Variants in FKTN observed in about 807,000 individuals in gnomAD.
FKTN encodes fukutin, also known as ribitol-5-phosphate transferase FKTN.
FKTN carries 47 observed loss-of-function variants against 58.6 expected under a neutral mutation model. The ratio of observed to expected loss-of-function variants is 0.80; its 90% CI spans 0.63 to 1.02. The LOEUF (loss-of-function observed/expected upper bound fraction) is 1.02, where lower values mean the gene tolerates loss of function less well. FKTN is among the 50% of genes least tolerant of loss of function. The probability of loss-of-function intolerance (pLI) is 0.00; values close to 1 mark genes in which losing one functional copy is unlikely to be tolerated. For synonymous variants in FKTN, 178 were observed against 191.9 expected, an observed-to-expected ratio of 0.93 and a Z score of 0.60; for missense variants, 516 against 537.3, an observed-to-expected ratio of 0.96 and a Z score of 0.39.
intron 1 of FKTN, among the ~76,000 whole-genome samples, chr9:105,563,654 G>A (rs1302877616): frequency 6.6e-6 from 1 of 152,168 alleles, no homozygotes; most frequent in Non-Finnish European, 1.5e-5. Context: ...GAGGGGCCGG[G>A]AAGCTCGAAC....
At chr9:105,573,498 C>T (rs147266721) in intron 1 of FKTN, among the ~76,000 whole-genome samples, 157 bp from the exon 2 acceptor site, 5 of 151,860 alleles carry the variant, frequency 3.3e-5, no homozygotes, top group African/African-American at 1.2e-4. Context: ...CATGGTGGCA[C>T]ATACTTTTAC....
intron 3 of FKTN, among the ~76,000 whole-genome samples, chr9:105,588,736 C>T (rs976509684): frequency 1.3e-5 from 2 of 152,090 alleles, no homozygotes; most frequent in Admixed American, 6.5e-5. Context: ...CATAGTATAC[C>T]TATGGAATAA....
chr9:105,604,394 C>T lies in FKTN; in HGVS notation c.549C>T (p.Tyr183=), dbSNP rs1424933301. 1.9e-6 allele frequency: 3 copies of T among 1,613,902 alleles called. No individual in the cohort carries two copies. The highest frequency in any genetic ancestry group is 2.2e-5 in the East Asian group (1 of 44,880). ...TCTTTCATGAGAGGAGTGGCAACTA[C>T]CTCTGGCACGGCCACTTGAGACTTA... The part of the protein sequence containing the change: ...LVVFHERSGN[Y]LWHGHLRLKE... The change falls in exon 6 of 11, where the codon TAC becomes TAT. Residue 183 remains tyrosine, a synonymous_variant. Transcript: ENST00000357998.
intron 1 of FKTN, among the ~76,000 whole-genome samples, chr9:105,569,180 C>A (rs901854232): frequency 3.9e-5 from 6 of 151,958 alleles, no homozygotes; most frequent in African/African-American, 1.2e-4. Flanking sequence ...GGTAGATATA[C>A]CTAATGTAAA....
chr9:105,563,997 T>C (rs973363031), intron 1 of FKTN, among the ~76,000 whole-genome samples: 1 of 152,200 alleles, frequency 6.6e-6, no homozygotes, highest in Non-Finnish European at 1.5e-5. Flanking sequence ...TGTTCAGCAA[T>C]ATTCGCTGTT....
rs545512504 is a variant in FKTN, at chr9:105,560,640, T to C, written c.-181+2475T>C. Among the ~76,000 whole-genome samples, 321 of 152,364 alleles carry C rather than the reference T, an allele frequency of 2.1e-3. 1 individual carries two copies. Among genetic ancestry groups the C allele is most frequent in the African/African-American group, 7.3e-3 (305 of 41,592 alleles). On this transcript the variant is annotated intron_variant, in intron 1 of 10. Coordinates refer to ENST00000357998, the MANE Select transcript of FKTN (RefSeq NM_001079802.2). The stretch of plus-strand genomic sequence containing the variant: ...GGAACATTCATCCAGATTTTACATA[T>C]GTACATACATTCACAATTTAAGTGT...
rs139674774 is a variant in FKTN at position 105,583,984 on chromosome 9, G to A, written c.105+8847G>A. ...TATTAAATTCTAATAAAGAACTGCT[G>A]TCTCAACCCTTTTCCCTTGGTGGCA... On this transcript the variant is annotated intron_variant, in intron 3 of 10. Coordinates refer to ENST00000357998, the MANE Select transcript of FKTN (RefSeq NM_001079802.2). Among the ~76,000 whole-genome samples, 771 of 152,250 alleles carry A rather than the reference G, an allele frequency of 5.1e-3. 10 individuals are homozygous for A. Among genetic ancestry groups the A allele is most frequent in the African/African-American group, 0.017 (727 of 41,554 alleles).
rs1471294783 is a variant in FKTN, at chr9:105,640,286, C to G, written c.*5022C>G. 4 of 942,962 alleles carry G rather than the reference C, an allele frequency of 4.2e-6. No individual in the cohort carries two copies. Among genetic ancestry groups the G allele is most frequent in the Non-Finnish European group, 6.0e-6 (4 of 664,730 alleles). 58.4% of individuals were successfully genotyped at this position (942,962 alleles called of 1,614,324 possible). A position where few individuals can be genotyped will look rare whatever the true frequency, so the allele number is the denominator to read the frequency against. On this transcript the variant is annotated 3_prime_UTR_variant, in exon 11 of 11. Transcript: ENST00000357998. The stretch of plus-strand genomic sequence containing the variant: ...CCTGCTTCTTTTGGGTGCAGTGGCT[C>G]ACACCTGTAATACCAGCAGTTTGAG...
chr9:105,638,923 A>C lies in FKTN; in HGVS notation c.*3659A>C. On this transcript the variant is annotated 3_prime_UTR_variant, in exon 11 of 11. Transcript: ENST00000357998. ...ATTACATAGGTAAGCAGGAATTTAT[A>C]CATTGGGTACCAGAGCTAAATCTGG... The C allele has an allele frequency of 1.0e-6, 1 of 985,338 alleles. No individual in the cohort carries two copies. Among genetic ancestry groups the C allele is most frequent in the Non-Finnish European group, 1.2e-6 (1 of 829,860 alleles). The allele number at this position is 985,338 out of a possible 1,614,324, so 61.0% of individuals were successfully genotyped here.
intron 3 of FKTN, among the ~76,000 whole-genome samples, chr9:105,584,212 A>G (rs1843512807): frequency 6.6e-6 from 1 of 152,202 alleles, no homozygotes; most frequent in African/African-American, 2.4e-5. Flanking sequence ...ATTTGGAACA[A>G]TGCATGTTAT....
intron 1 of FKTN, among the ~76,000 whole-genome samples, chr9:105,563,966 C>A (rs1027362620): frequency 1.3e-5 from 2 of 152,200 alleles, no homozygotes; most frequent in Non-Finnish European, 2.9e-5. Context: ...TCCAGAGGAA[C>A]GATCAGGCAG....
chr9:105,591,462 A>G (rs1470978184), intron 3 of FKTN, among the ~76,000 whole-genome samples: 2 of 152,212 alleles, frequency 1.3e-5, no homozygotes, highest in African/African-American at 4.8e-5. Context: ...CCCCAAACCC[A>G]GCAGGTTACT....
rs766526235 is a variant in FKTN, at chr9:105,597,211, A to G, written c.165+554A>G. 2.6e-5 allele frequency among the ~76,000 whole-genome samples: 4 copies of G among 152,176 alleles called. No homozygotes were observed. In the South Asian group the frequency reaches 8.3e-4, roughly 32 times the overall value. ...AACATTGCTGGGTTACTAATAAAACACAACATTTATTCTGTTAGCATACAT... is the reference window on the plus strand; with the variant it reads ...AACATTGCTGGGTTACTAATAAAACGCAACATTTATTCTGTTAGCATACAT... On this transcript the variant is annotated intron_variant, in intron 4 of 10. Transcript: ENST00000357998.
intron 10 of FKTN, among the ~76,000 whole-genome samples, chr9:105,626,962 T>G (rs1312268733): frequency 6.7e-6 from 1 of 149,402 alleles, no homozygotes; most frequent in African/African-American, 2.5e-5. Flanking sequence ...TCTCCCAATT[T>G]GTGCCTTTCT....
chr9:105,594,555 G>A (rs1826396259), intron 3 of FKTN, among the ~76,000 whole-genome samples: 1 of 152,160 alleles, frequency 6.6e-6, no homozygotes, highest in South Asian at 2.1e-4. Context: ...ATCAGCCTAG[G>A]CAATATGGTG....
At chr9:105,579,977 T>G (rs1030881797) in intron 3 of FKTN, among the ~76,000 whole-genome samples, 16 of 151,858 alleles carry the variant, frequency 1.1e-4, no homozygotes, top group Non-Finnish European at 2.2e-4. Flanking sequence ...TATCAGAAAC[T>G]AGGATTGCAA....
chr9:105,602,990 G>T (rs557828323), intron 5 of FKTN, among the ~76,000 whole-genome samples: 1 of 152,256 alleles, frequency 6.6e-6, no homozygotes, highest in Non-Finnish European at 1.5e-5. Flanking sequence ...TTACCATAAA[G>T]TGAGCAAACC....
In FKTN at chr9:105,637,113, A is replaced by C. The variant is rs1025818409; in HGVS notation, c.*1849A>C. On this transcript the variant is annotated 3_prime_UTR_variant, in exon 11 of 11. Transcript: ENST00000357998. ...GACCCTAAATTCATTTTTCATGCTT[A>C]AAAATAATAGAACAAATAATAATAC... 19 of 986,916 alleles carry C rather than the reference A, an allele frequency of 1.9e-5. No individual in the cohort carries two copies. In the African/African-American group the frequency reaches 3.0e-4, roughly 15 times the overall value. 61.1% of individuals were successfully genotyped at this position (986,916 alleles called of 1,614,324 possible). A position where few individuals can be genotyped will look rare whatever the true frequency, so the allele number is the denominator to read the frequency against.
At chr9:105,609,127 G>GGC (rs1829441986) in intron 7 of FKTN, among the ~76,000 whole-genome samples, 1 of 152,022 alleles carries the variant, frequency 6.6e-6, no homozygotes, top group Non-Finnish European at 1.5e-5. Flanking sequence ...ACTGTACCTG[G>GGC]CATAAAGAAA....
Sources: allele counts gnomAD v4.1 joint callset (sites outside exome capture counted in the v4.1 genomes callset), GRCh38; gene constraint gnomAD v4.1.1; transcripts MANE v1.5; gene names NCBI Gene and HGNC (gene_info 2026-07-23, HGNC 2026-07-21).